Variants in MORC4 observed in about 807,000 individuals in gnomAD.
The protein encoded by MORC4 is MORC family CW-type zinc finger protein 4.
A neutral mutation model predicts 65.5 loss-of-function variants in MORC4; 22 were observed. The ratio of observed to expected loss-of-function variants is 0.34; its 90% confidence interval spans 0.24 to 0.48. The LOEUF (loss-of-function observed/expected upper bound fraction) is 0.48. MORC4 is among the 20% of genes least tolerant of loss of function. The pLI, the probability that MORC4 is intolerant of heterozygous loss-of-function variation, is 0.99. For synonymous variants in MORC4, 267 were observed against 255.8 expected, an observed-to-expected ratio of 1.04 and a Z score of -0.42; for missense variants, 624 against 703.0, an observed-to-expected ratio of 0.89 and a Z score of 1.27.
intron 3 of MORC4, among the ~76,000 whole-genome samples, chrX:106,989,302 A>G (rs1019726569): frequency 8.9e-6 from 1 of 112,426 alleles, no homozygotes; most frequent in Non-Finnish European, 1.9e-5. Flanking sequence ...TAGCCCCAGA[A>G]GCTAAAGATA....
chrX:106,963,293 A>G (rs969831535), intron 9 of MORC4, among the ~76,000 whole-genome samples: 1 of 112,283 alleles, frequency 8.9e-6, no homozygotes, highest in African/African-American at 3.2e-5. Flanking sequence ...CAAAAGCTGC[A>G]TGATGTAACT....
At chrX:106,986,689 C>A (rs1934877440) in intron 3 of MORC4, among the ~76,000 whole-genome samples, 1 of 111,907 alleles carries the variant, frequency 8.9e-6, no homozygotes, top group African/African-American at 3.2e-5. Context: ...CTCTAGAAAT[C>A]TGAAAGTCAG....
chrX:106,953,966 A>T (rs1340304866), intron 14 of MORC4, among the ~76,000 whole-genome samples: 1 of 112,225 alleles, frequency 8.9e-6, no homozygotes, highest in African/African-American at 3.2e-5. Flanking sequence ...TCTACTAAAA[A>T]TACAAAATTA....
At chrX:106,962,152 T>C (rs777365945) in intron 9 of MORC4, 42 bp from the exon 10 acceptor site, 6 of 968,234 alleles carry the variant, frequency 6.2e-6, no homozygotes, top group Non-Finnish European at 8.8e-6. Flanking sequence ...TTAGCACTTG[T>C]TGAGCAATTC....
At chrX:106,945,089 T>C (rs1933791071) in intron 14 of MORC4, among the ~76,000 whole-genome samples, 1 of 112,278 alleles carries the variant, frequency 8.9e-6, no homozygotes, top group Non-Finnish European at 1.9e-5. Context: ...TACCAGATCA[T>C]GTAAGAAGTG....
At chrX:106,992,124 G>A (rs1934995727) in intron 3 of MORC4, among the ~76,000 whole-genome samples, 1 of 111,723 alleles carries the variant, frequency 9.0e-6, no homozygotes, top group Non-Finnish European at 1.9e-5. Context: ...ACTTTTAGAG[G>A]TTTTCCTCAA....
intron 9 of MORC4, among the ~76,000 whole-genome samples, chrX:106,975,001 C>T (rs748071035): frequency 2.7e-5 from 3 of 110,990 alleles, no homozygotes; most frequent in Non-Finnish European, 5.7e-5. Flanking sequence ...AGTCAGAAAT[C>T]CTGTGTGTTC....
At chrX:106,976,202 C>G (rs1361544558) in intron 9 of MORC4, among the ~76,000 whole-genome samples, 1 of 111,683 alleles carries the variant, frequency 9.0e-6, no homozygotes, top group East Asian at 2.8e-4. Context: ...AATCTGTTCA[C>G]TGGCTTCAAG....
At chrX:106,988,667 G>T (rs975650449) in intron 3 of MORC4, among the ~76,000 whole-genome samples, 3 of 112,042 alleles carry the variant, frequency 2.7e-5, no homozygotes, top group Non-Finnish European at 5.6e-5. Context: ...TAATGAATTT[G>T]ATAGTTTGCT....
intron 14 of MORC4, among the ~76,000 whole-genome samples, chrX:106,953,057 T>C (rs1213979466): frequency 8.9e-6 from 1 of 111,916 alleles, no homozygotes; most frequent in Non-Finnish European, 1.9e-5. Context: ...AATTTTATTC[T>C]CAATAAATTA....
chrX:106,948,233 T>A (rs1217460476), intron 14 of MORC4, among the ~76,000 whole-genome samples: 2 of 111,660 alleles, frequency 1.8e-5, no homozygotes, highest in South Asian at 3.8e-4. Context: ...TTCATTAACC[T>A]TTTTATTTTC....
intron 3 of MORC4, among the ~76,000 whole-genome samples, chrX:106,991,596 A>G (rs1174379352): frequency 1.8e-5 from 2 of 112,079 alleles, no homozygotes; most frequent in African/African-American, 6.5e-5. Context: ...GATGGGAAGG[A>G]GTCATTAAGA....
chrX:106,958,890 T>C (rs1229501036), intron 10 of MORC4, among the ~76,000 whole-genome samples: 2 of 111,665 alleles, frequency 1.8e-5, no homozygotes, highest in African/African-American at 3.3e-5. Flanking sequence ...ATAAAACCCA[T>C]AGAATCATTT....
intron 9 of MORC4, among the ~76,000 whole-genome samples, chrX:106,976,379 G>T (rs891304873): frequency 1.8e-5 from 2 of 111,780 alleles, no homozygotes; most frequent in African/African-American, 3.2e-5. Flanking sequence ...TAAAGGTAAG[G>T]TTTATCTCAA....
At chrX:106,969,673 C>T (rs901003511) in intron 9 of MORC4, among the ~76,000 whole-genome samples, 12 of 112,049 alleles carry the variant, frequency 1.1e-4, no homozygotes, top group African/African-American at 3.9e-4. Flanking sequence ...GAAATACAAA[C>T]TACCATCAGA....
chrX:106,972,499 T>A (rs1263182544), intron 9 of MORC4, among the ~76,000 whole-genome samples: 1 of 111,304 alleles, frequency 9.0e-6, no homozygotes, highest in Non-Finnish European at 1.9e-5. Flanking sequence ...GACTCACAGA[T>A]CTCCATAGCC....
intron 14 of MORC4, among the ~76,000 whole-genome samples, chrX:106,953,898 T>C (rs1465957378): frequency 2.7e-5 from 3 of 111,804 alleles, no homozygotes; most frequent in Non-Finnish European, 5.6e-5. Flanking sequence ...CCAAGGCGGG[T>C]GAATCACCTG....
intron 7 of MORC4, among the ~76,000 whole-genome samples, chrX:106,979,466 G>C (rs1475301853): frequency 9.0e-6 from 1 of 110,898 alleles, no homozygotes; most frequent in Non-Finnish European, 1.9e-5. Flanking sequence ...GGGTACAGTG[G>C]GGTAGGAGAC....
chrX:106,960,012 T>C (rs1415105930), intron 10 of MORC4, among the ~76,000 whole-genome samples: 1 of 112,567 alleles, frequency 8.9e-6, no homozygotes, highest in Non-Finnish European at 1.9e-5. Flanking sequence ...TACACATTTT[T>C]GGATCTACAG....
Sources: allele counts gnomAD v4.1 joint callset (sites outside exome capture counted in the v4.1 genomes callset), GRCh38; gene constraint gnomAD v4.1.1; transcripts MANE v1.5; gene names NCBI Gene and HGNC (gene_info 2026-07-23, HGNC 2026-07-21).